The following WNT11 variants were observed in gnomAD, a reference collection of about 807,000 sequenced individuals.
WNT11 encodes the protein Wnt family member 11.
A neutral mutation model predicts 35.6 loss-of-function variants in WNT11; 20 were observed. The ratio of observed to expected loss-of-function variants is 0.56; its 90% CI spans 0.40 to 0.82. WNT11 has a LOEUF of 0.82. Among genes scored for constraint, WNT11 ranks in the 40% least tolerant of loss-of-function variants. WNT11 has a pLI of 0.00. For synonymous variants in WNT11, 200 were observed against 211.9 expected (o/e 0.94, Z 0.49); for missense variants, 459 against 504.4 (o/e 0.91, Z 0.86).
intron 1 of WNT11, among the ~76,000 whole-genome samples, chr11:76,200,156 G>A (rs973212051): frequency 4.0e-5 from 6 of 150,994 alleles, no homozygotes; most frequent in Non-Finnish European, 5.9e-5. Context: ...GGCGTGACTC[G>A]CCCTGTGTAA....
Position 76,193,853 on chromosome 11 carries a change from T to TATC in WNT11, c.597+711_597+713dup, listed in dbSNP as rs558016141. ...TCCCTGCCATTCACGGTCCTTTCCC[T>TATC]ATCTGTAAAAAGGGGACAACAGGGC... On this transcript the variant is annotated intron_variant, in intron 3 of 4. Coordinates refer to ENST00000322563, the MANE Select transcript of WNT11 (RefSeq NM_004626.3). 5.8e-4 allele frequency among the ~76,000 whole-genome samples: 88 copies of TATC among 152,254 alleles called. No homozygotes were observed. In the East Asian group the frequency reaches 7.4e-3, roughly 13 times the overall value.
intron 1 of WNT11, among the ~76,000 whole-genome samples, chr11:76,197,522 AG>A (rs1027039469): frequency 4.6e-5 from 7 of 152,294 alleles, no homozygotes; most frequent in Admixed American, 4.6e-4. Context: ...CCCTGCTTGG[AG>A]AGTCAGGATG....
chr11:76,203,257 G>A (rs1221654897), intron 1 of WNT11, among the ~76,000 whole-genome samples: 1 of 152,204 alleles, frequency 6.6e-6, no homozygotes, highest in Non-Finnish European at 1.5e-5. Context: ...AAGCTAAAGC[G>A]ATTGACCTGC....
At chr11:76,196,271 C>T (rs1173866436) in intron 2 of WNT11, among the ~76,000 whole-genome samples, 1 of 152,202 alleles carries the variant, frequency 6.6e-6, no homozygotes, top group Non-Finnish European at 1.5e-5. Context: ...TCTGTGTTTA[C>T]TCGTTTGTGA....
At position 76,186,514 on chromosome 11, in the gene WNT11, G is replaced by A. The variant is rs1201096865; in HGVS notation, c.*551C>T. 2 of 150,998 alleles carry A rather than the reference G, an allele frequency of 1.3e-5. No individual in the cohort carries two copies. The highest frequency in any genetic ancestry group is 4.9e-5 in the African/African-American group (2 of 41,030). 9.4% of individuals were successfully genotyped at this position (150,998 alleles called of 1,614,324 possible). Reference sequence around the variant, plus strand: ...TATTTATATATATAAAATATATAAAGAGGAATTGAGAAGTGCCACCCCAAA... The same window carrying A: ...TATTTATATATATAAAATATATAAAAAGGAATTGAGAAGTGCCACCCCAAA... On this transcript the variant is annotated 3_prime_UTR_variant, in exon 5 of 5. Transcript: ENST00000322563.
At position 76,194,929 on chromosome 11, in the gene WNT11, C is replaced by A. The variant is rs1299202333; in HGVS notation, c.320-85G>T. The A allele has an allele frequency of 6.3e-6, 9 of 1,418,884 alleles. No homozygotes were observed. Among genetic ancestry groups the A allele is most frequent in the Non-Finnish European group, 4.6e-6 (5 of 1,085,152 alleles). The allele number at this position is 1,418,884 out of a possible 1,614,324, so 87.9% of individuals were successfully genotyped here. Reference sequence around the variant, plus strand: ...CAGAGGTCCTCCACCTTCGCCCACACCCTGCTGTAACCAAGGTGACGCCAG... The same window carrying A: ...CAGAGGTCCTCCACCTTCGCCCACAACCTGCTGTAACCAAGGTGACGCCAG... On this transcript the variant is annotated intron_variant, in intron 2 of 4. Transcript: ENST00000322563. This position sits in a 1 kb window ranked among gnomAD's most constrained non-coding sequence, Gnocchi z 5.4.
In WNT11 at chr11:76,206,497, G is replaced by C; in HGVS notation, c.-90C>G. ...ACGGCCGCCGCTGGTCCTGCACGCC[G>C]CCTGCAGCCGGGGAGAGCGGAGGCG... On this transcript the variant is annotated 5_prime_UTR_variant, in exon 1 of 5. Coordinates refer to ENST00000322563, the MANE Select transcript of WNT11 (RefSeq NM_004626.3). 1 of 1,257,266 alleles carries C rather than the reference G, an allele frequency of 8.0e-7. No homozygotes were observed. Among genetic ancestry groups the C allele is most frequent in the Non-Finnish European group, 1.0e-6 (1 of 1,001,762 alleles). 77.9% of individuals were successfully genotyped at this position (1,257,266 alleles called of 1,614,324 possible). A position where few individuals can be genotyped will look rare whatever the true frequency, so the allele number is the denominator to read the frequency against.
chr11:76,192,278 G>A (rs1953197755), intron 3 of WNT11, among the ~76,000 whole-genome samples: 1 of 152,194 alleles, frequency 6.6e-6, no homozygotes, highest in South Asian at 2.1e-4. Context: ...CAGATCTGAG[G>A]CTGATTCCAA....
At chr11:76,203,514 G>T (rs1039638276) in intron 1 of WNT11, among the ~76,000 whole-genome samples, 1 of 152,220 alleles carries the variant, frequency 6.6e-6, no homozygotes, top group African/African-American at 2.4e-5. Context: ...GGAAAGCCAA[G>T]AAGGGGGTGG....
At chr11:76,193,149 G>A (rs1953210713) in intron 3 of WNT11, among the ~76,000 whole-genome samples, 2 of 152,254 alleles carry the variant, frequency 1.3e-5, no homozygotes, top group Non-Finnish European at 1.5e-5. Context: ...TCGAGGGCAG[G>A]TGAACTAGGT....
At chr11:76,187,303 A>T in intron 4 of WNT11, 64 bp from the exon 5 acceptor site, 1 of 1,459,270 alleles carries the variant, frequency 6.9e-7, no homozygotes, top group South Asian at 1.4e-5. Flanking sequence ...ACACCCCATG[A>T]CTCCCAGCCA....
chr11:76,208,887 G>A (rs896813152), upstream of WNT11, among the ~76,000 whole-genome samples: 1 of 152,176 alleles, frequency 6.6e-6, no homozygotes, highest in African/African-American at 2.4e-5. Context: ...GGACAGCCGC[G>A]CAGGCCACGG....
chr11:76,197,087 A>G (rs7125695), intron 1 of WNT11, among the ~76,000 whole-genome samples: 55,852 of 152,164 alleles, frequency 0.37, 10,842 homozygotes, highest in African/African-American at 0.5. Context: ...ATTAGTCTTT[A>G]TTCAACATTC....
chr11:76,210,516 C>A (rs1441530459), upstream of WNT11: 8 of 985,156 alleles, frequency 8.1e-6, no homozygotes, highest in Non-Finnish European at 9.6e-6. Flanking sequence ...CCGGGTGCCC[C>A]GGCCTGCCCA....
intron 1 of WNT11, among the ~76,000 whole-genome samples, chr11:76,200,918 C>T (rs1387629618): frequency 2.0e-5 from 3 of 152,262 alleles, no homozygotes; most frequent in African/African-American, 7.2e-5. Flanking sequence ...TTTCCCTGGG[C>T]TCCGGCTCAA....
chr11:76,201,748 C>T (rs1426750018), intron 1 of WNT11, among the ~76,000 whole-genome samples: 1 of 152,198 alleles, frequency 6.6e-6, no homozygotes, highest in Non-Finnish European at 1.5e-5. Context: ...CTGCCCCTTG[C>T]TCCACCTCAA....
At chr11:76,196,143 C>G (rs1382497315) in intron 2 of WNT11, among the ~76,000 whole-genome samples, 1 of 152,224 alleles carries the variant, frequency 6.6e-6, no homozygotes, top group Non-Finnish European at 1.5e-5. Flanking sequence ...CCAGGAGCCT[C>G]CCTGACATGT....
upstream of WNT11, among the ~76,000 whole-genome samples, chr11:76,208,573 G>A (rs1307940617): frequency 6.6e-6 from 1 of 152,024 alleles, no homozygotes; most frequent in Non-Finnish European, 1.5e-5. Context: ...CCCAAAGTGC[G>A]CCGCCCCCCG....
At chr11:76,204,267 C>T (rs866733903) in intron 1 of WNT11, among the ~76,000 whole-genome samples, 5 of 152,208 alleles carry the variant, frequency 3.3e-5, no homozygotes, top group Admixed American at 6.5e-5. Context: ...TCTAGCAAGA[C>T]TTTAATCCCC....
Sources: gnomAD v4.1 joint callset for allele counts (sites outside exome capture counted in the v4.1 genomes callset) on GRCh38, gnomAD v4.1.1 for gene constraint, Gnocchi (gnomAD v3.1) non-coding constraint, MANE v1.5 for transcripts, NCBI Gene and HGNC (gene_info 2026-07-23, HGNC 2026-07-21) for gene names.